Variants in HORMAD2 observed in about 807,000 individuals in gnomAD.
HORMAD2 encodes HORMA domain containing 2, also known as HORMA domain-containing protein 2.
Under a neutral mutation model 38.8 loss-of-function variants are expected in HORMAD2, and 45 were observed. The ratio of observed to expected loss-of-function variants is 1.16; its 90% CI spans 0.91 to 1.49. HORMAD2 has a LOEUF of 1.49. Among genes scored for constraint, HORMAD2 ranks in the 40% most tolerant of loss-of-function variants. The probability of loss-of-function intolerance (pLI) is 0.00; values close to 1 mark genes in which losing one functional copy is unlikely to be tolerated. For synonymous variants in HORMAD2, 126 were observed against 122.8 expected (o/e 1.03, Z -0.17); for missense variants, 338 against 367.0 (o/e 0.92, Z 0.65).
At chr22:30,207,083 A>G in the HORMAD2 span, 1 of 470,780 alleles carries the variant, frequency 2.1e-6, no homozygotes, top group Non-Finnish European at 4.4e-6. Flanking sequence ...TGGACATCCC[A>G]GCTCAGCGGC....
At chr22:30,130,258 T>C (rs999178988) in intron 10 of HORMAD2, among the ~76,000 whole-genome samples, 1 of 152,186 alleles carries the variant, frequency 6.6e-6, no homozygotes, top group Non-Finnish European at 1.5e-5. Context: ...ACAGAGTTTC[T>C]ACTAATGGTT....
chr22:30,142,365 G>A (rs1201309083), intron 10 of HORMAD2, among the ~76,000 whole-genome samples: 2 of 152,094 alleles, frequency 1.3e-5, no homozygotes, highest in East Asian at 1.9e-4. Flanking sequence ...GCTGTTACTG[G>A]GTATAGTGTT....
intron 7 of HORMAD2, among the ~76,000 whole-genome samples, chr22:30,115,790 G>C (rs943482046): frequency 2.0e-5 from 3 of 152,236 alleles, no homozygotes; most frequent in African/African-American, 7.2e-5. Flanking sequence ...GAGTGCTGAA[G>C]TGGAGAATGA....
intron 10 of HORMAD2, among the ~76,000 whole-genome samples, chr22:30,154,534 G>GA (rs1280387151): frequency 6.6e-6 from 1 of 152,104 alleles, no homozygotes; most frequent in Non-Finnish European, 1.5e-5. Context: ...TTCCTTTCAA[G>GA]TTTTTCCAGT....
Position 30,163,906 on chromosome 22 carries a change from C to T in HORMAD2, c.820-12157C>T, listed in dbSNP as rs888653110. 2.6e-5 allele frequency among the ~76,000 whole-genome samples: 4 copies of T among 152,128 alleles called. No homozygotes were observed. In the South Asian group the frequency reaches 8.3e-4, roughly 32 times the overall value. On this transcript the variant is annotated intron_variant, in intron 10 of 10. Transcript: ENST00000336726. ...CGTTATCCATTTCCAGAAGTTTCTTCATCTTCCCAAACTGAAACTCTATAC... is the reference window on the plus strand; with the variant it reads ...CGTTATCCATTTCCAGAAGTTTCTTTATCTTCCCAAACTGAAACTCTATAC...
intron 7 of HORMAD2, among the ~76,000 whole-genome samples, chr22:30,117,540 G>A (rs751890784): frequency 2.0e-5 from 3 of 149,072 alleles, no homozygotes; most frequent in African/African-American, 5.0e-5. Context: ...ATGGAGTCTC[G>A]CTCTGTCACC....
intron 4 of HORMAD2, 46 bp downstream of exon 4, chr22:30,103,546 C>T (rs889589530): frequency 2.0e-6 from 2 of 982,954 alleles, no homozygotes; most frequent in Admixed American, 4.4e-5. Flanking sequence ...TTATTTTTAT[C>T]ATGGCTGAAA....
At chr22:30,085,817 C>T (rs1487235483) in intron 1 of HORMAD2, among the ~76,000 whole-genome samples, 2 of 152,142 alleles carry the variant, frequency 1.3e-5, no homozygotes, top group African/African-American at 4.8e-5. Flanking sequence ...CAGCTAGACA[C>T]AATTTTGCTC....
At chr22:30,171,445 T>C (rs1926103376) in intron 10 of HORMAD2, among the ~76,000 whole-genome samples, 1 of 152,188 alleles carries the variant, frequency 6.6e-6, no homozygotes, top group Non-Finnish European at 1.5e-5. Context: ...TATCTCTCTC[T>C]TACCATGGTA....
chr22:30,205,117 A>G, the HORMAD2 span, among the ~76,000 whole-genome samples: 2 of 152,136 alleles, frequency 1.3e-5, no homozygotes, highest in African/African-American at 4.8e-5. Flanking sequence ...TAATATTGCG[A>G]GTGTCAGACA....
At chr22:30,118,864 G>A in intron 7 of HORMAD2, 116 bp from the exon 8 acceptor site, 1 of 683,990 alleles carries the variant, frequency 1.5e-6, no homozygotes. Flanking sequence ...GAAACAAACA[G>A]CTATATAGGA....
chr22:30,154,591 T>C (rs529937326), intron 10 of HORMAD2, among the ~76,000 whole-genome samples: 8 of 152,324 alleles, frequency 5.3e-5, no homozygotes, highest in African/African-American at 1.4e-4. Flanking sequence ...GTTAGAATCA[T>C]GTGTTGTATT....
Position 30,118,972 on chromosome 22 carries a change from T to C in HORMAD2, c.343-8T>C. On this transcript the variant is annotated splice_polypyrimidine_tract_variant and splice_region_variant and intron_variant, in intron 7 of 10. Transcript: ENST00000336726. Reference sequence around the variant, plus strand: ...CTTTTTTTTCTTTATTTCCTTTGGTTTTTGTAGAAGGTGACTGAGATGTAC... The same window carrying C: ...CTTTTTTTTCTTTATTTCCTTTGGTCTTTGTAGAAGGTGACTGAGATGTAC... 1 of 1,566,466 alleles carries C rather than the reference T, an allele frequency of 6.4e-7. No individual in the cohort carries two copies. The highest frequency in any genetic ancestry group is 8.7e-7 in the Non-Finnish European group (1 of 1,153,212).
intron 10 of HORMAD2, among the ~76,000 whole-genome samples, chr22:30,133,109 T>G (rs1923400513): frequency 6.6e-6 from 1 of 152,154 alleles, no homozygotes; most frequent in Non-Finnish European, 1.5e-5. Context: ...TTTTTCAAAG[T>G]GACTTCATTG....
In HORMAD2 at chr22:30,122,106, G is replaced by A. The variant is rs1922491737; in HGVS notation, c.711G>A (p.Glu237=). 2 of 1,613,624 alleles carry A rather than the reference G, an allele frequency of 1.2e-6. No homozygotes were observed. The highest frequency in any genetic ancestry group is 3.3e-5 in the Admixed American group (2 of 59,930). The change falls in exon 10 of 11, where the codon GAG becomes GAA. Residue 237 remains glutamate, a synonymous_variant. Coordinates refer to ENST00000336726, the MANE Select transcript of HORMAD2 (RefSeq NM_152510.4). The part of the protein sequence containing the change: ...FHSMKVKVMT[E]ATKVIDLENN... ...GCATGAAAGTAAAAGTCATGACAGA[G>A]GCTACAAAAGTGATTGATTTGGAGA... is the stretch of plus-strand genomic sequence containing the variant.
At chr22:30,190,393 C>G in the HORMAD2 span, among the ~76,000 whole-genome samples, 4 of 152,218 alleles carry the variant, frequency 2.6e-5, no homozygotes, top group African/African-American at 7.2e-5. Flanking sequence ...GTCTTCTGGG[C>G]ATTGAATTCC....
At chr22:30,114,810 A>G (rs986380692) in intron 7 of HORMAD2, among the ~76,000 whole-genome samples, 1 of 152,206 alleles carries the variant, frequency 6.6e-6, no homozygotes, top group Non-Finnish European at 1.5e-5. Flanking sequence ...AAGTTATGGT[A>G]CTTCTGTGCT....
At position 30,172,225 on chromosome 22, in the gene HORMAD2, G is replaced by A. The variant is rs537380927; in HGVS notation, c.820-3838G>A. ...AAAGTATGAAGCCAAAAAGTAACAT[G>A]GCCAGATTGTAAAATTCATGGGGCA... On this transcript the variant is annotated intron_variant, in intron 10 of 10. Coordinates refer to ENST00000336726, the MANE Select transcript of HORMAD2 (RefSeq NM_152510.4). Among the ~76,000 whole-genome samples, 10 of 152,242 alleles carry A rather than the reference G, an allele frequency of 6.6e-5. No individual in the cohort carries two copies. The South Asian group carries it at 2.1e-3, about 32-fold the overall frequency.
intron 1 of HORMAD2, among the ~76,000 whole-genome samples, chr22:30,087,534 A>G (rs1287661558): frequency 1.3e-5 from 2 of 152,192 alleles, no homozygotes; most frequent in Non-Finnish European, 2.9e-5. Flanking sequence ...TGCTATAAAG[A>G]AATTTCTGAG....
Sources: gnomAD v4.1 joint callset for allele counts (sites outside exome capture counted in the v4.1 genomes callset) on GRCh38, gnomAD v4.1.1 for gene constraint, MANE v1.5 for transcripts, NCBI Gene and HGNC (gene_info 2026-07-23, HGNC 2026-07-21) for gene names.